The following TAF10 variants were observed in gnomAD, a reference collection of about 807,000 sequenced individuals.
TAF10 encodes TATA-box binding protein associated factor 10.
Under a neutral mutation model 18.1 loss-of-function variants are expected in TAF10, and 2 were observed. The observed-to-expected ratio is 0.11, with a 90% CI of 0.05 to 0.35. The LOEUF (loss-of-function observed/expected upper bound fraction) is 0.35, where lower values mean the gene tolerates loss of function less well. Ranked by LOEUF, TAF10 falls within the 10% of genes least tolerant of loss-of-function variation. The pLI, the probability that TAF10 is intolerant of heterozygous loss-of-function variation, is 1.00. For missense variants in TAF10, 293 were observed against 306.9 expected, an observed-to-expected ratio of 0.95 and a Z score of 0.34; for synonymous variants, 158 against 134.6, an observed-to-expected ratio of 1.17 and a Z score of -1.20.
chr11:6,611,546 G>A (rs1022826276), intron 2 of TAF10, 94 bp from the exon 3 acceptor site: 3 of 1,596,632 alleles, frequency 1.9e-6, no homozygotes, highest in African/African-American at 2.7e-5. Context: ...GTTTGGGTGA[G>A]CAGAGGGCAA....
At chr11:6,611,854 G>T in intron 1 of TAF10, 36 bp from the exon 2 acceptor site, 5 of 1,589,452 alleles carry the variant, frequency 3.1e-6, no homozygotes, top group Non-Finnish European at 4.3e-6. Context: ...CACAGAGGTG[G>T]GAGGCGCAGG....
At chr11:6,611,539 T>C in intron 2 of TAF10, 87 bp from the exon 3 acceptor site, 1 of 1,595,798 alleles carries the variant, frequency 6.3e-7, no homozygotes, top group Middle Eastern at 1.7e-4. Context: ...GCTCACAGTT[T>C]GGGTGAGCAG....
rs1243975866 is a variant in TAF10, at chr11:6,612,203, G to A, written c.-14C>T. 2 of 1,241,572 alleles carry A rather than the reference G, an allele frequency of 1.6e-6. No homozygotes were observed. Among genetic ancestry groups the A allele is most frequent in the Non-Finnish European group, 2.0e-6 (2 of 982,486 alleles). The allele number at this position is 1,241,572 out of a possible 1,614,324, so 76.9% of individuals were successfully genotyped here. On this transcript the variant is annotated 5_prime_UTR_variant, in exon 1 of 5. Coordinates refer to ENST00000299424, the MANE Select transcript of TAF10 (RefSeq NM_006284.4). ...GCTGCAGCTCATCGGGCCGGTGGGA[G>A]AGGCGGCGAACAGAGCCGCTTCCGC...
intron 2 of TAF10, 44 bp from the exon 3 acceptor site, chr11:6,611,496 G>A (rs771315033): frequency 7.4e-6 from 12 of 1,611,484 alleles, no homozygotes; most frequent in Middle Eastern, 1.6e-4. Context: ...CGGGAGGAGG[G>A]TGAGGGAAAT....
chr11:6,612,204 A>T lies in TAF10; in HGVS notation c.-15T>A, dbSNP rs913781342. 5.6e-6 allele frequency: 7 copies of T among 1,239,306 alleles called. No individual in the cohort carries two copies. The African/African-American group carries it at 6.4e-5, about 11-fold the overall frequency. The allele number at this position is 1,239,306 out of a possible 1,614,324, so 76.8% of individuals were successfully genotyped here. On this transcript the variant is annotated 5_prime_UTR_variant, in exon 1 of 5. Transcript: ENST00000299424. ...CTGCAGCTCATCGGGCCGGTGGGAG[A>T]GGCGGCGAACAGAGCCGCTTCCGCT...
chr11:6,607,895 T>C lies in TAF10; in HGVS notation c.*3027A>G, dbSNP rs1855087695. The C allele has an allele frequency of 1.7e-5, 13 of 755,510 alleles. No individual in the cohort carries two copies. In the South Asian group the frequency reaches 1.8e-4, roughly 11 times the overall value. The allele number at this position is 755,510 out of a possible 1,614,324, so 46.8% of individuals were successfully genotyped here. A position where few individuals can be genotyped will look rare whatever the true frequency, so the allele number is the denominator to read the frequency against. On this transcript the variant is annotated 3_prime_UTR_variant, in exon 5 of 5. Coordinates refer to ENST00000299424, the MANE Select transcript of TAF10 (RefSeq NM_006284.4). ...TTGAAGCTCAGGGGAAGGTCTGAAA[T>C]GGACAGCTTTGGGAGTTGCTGGCAT...
Position 6,611,464 on chromosome 11 carries a change from A to G in TAF10, c.388-12T>C, listed in dbSNP as rs1424184354. ...ACTGCATCTGGGATCTGAGAAATCA[A>G]TTAAGAGAACTGTCAGCAGAGCGGG... On this transcript the variant is annotated splice_polypyrimidine_tract_variant and intron_variant, in intron 2 of 4. Transcript: ENST00000299424. The G allele has an allele frequency of 2.9e-5, 46 of 1,613,988 alleles. No homozygotes were observed. Among genetic ancestry groups the G allele is most frequent in the Non-Finnish European group, 3.7e-5 (44 of 1,180,012 alleles).
At position 6,609,503 on chromosome 11, in the gene TAF10, C is replaced by T. The variant is rs1456515667; in HGVS notation, c.*1419G>A. The T allele has an allele frequency of 2.5e-6, 4 of 1,614,040 alleles. No individual in the cohort carries two copies. The highest frequency in any genetic ancestry group is 2.7e-5 in the African/African-American group (2 of 74,930). On this transcript the variant is annotated 3_prime_UTR_variant, in exon 5 of 5. Coordinates refer to ENST00000299424, the MANE Select transcript of TAF10 (RefSeq NM_006284.4). Reference sequence around the variant, plus strand: ...GTACTGGGTCTCAACCACTCCCTCCCTCTTCTAGGATTTTCTCGCATCCAA... The same window carrying T: ...GTACTGGGTCTCAACCACTCCCTCCTTCTTCTAGGATTTTCTCGCATCCAA...
At position 6,611,722 on chromosome 11, in the gene TAF10, A is replaced by G; in HGVS notation, c.329T>C (p.Val110Ala). The G allele has an allele frequency of 1.2e-6, 2 of 1,611,430 alleles. No homozygotes were observed. Among genetic ancestry groups the G allele is most frequent in the African/African-American group, 1.3e-5 (1 of 74,994 alleles). ...PSAANGDVKP[V>A]VSSTPLVDFL... Reference sequence around the variant, plus strand: ...GTCCACCAAAGGCGTGCTGGACACCACGGGCTTCACGTCTCCGTTGGCCGC... The same window carrying G: ...GTCCACCAAAGGCGTGCTGGACACCGCGGGCTTCACGTCTCCGTTGGCCGC... Residue 110 changes from valine to alanine, a missense_variant, in exon 2 of 5, where the codon GTG becomes GCG. Coordinates refer to ENST00000299424, the MANE Select transcript of TAF10 (RefSeq NM_006284.4).
Position 6,608,600 on chromosome 11 carries a change from C to G in TAF10, c.*2322G>C. 1 of 1,345,184 alleles carries G rather than the reference C, an allele frequency of 7.4e-7. No homozygotes were observed. The highest frequency in any genetic ancestry group is 1.1e-6 in the Non-Finnish European group (1 of 934,864). The allele number at this position is 1,345,184 out of a possible 1,614,324, so 83.3% of individuals were successfully genotyped here. ...TGTCAGTACTACTGTGTGACACTTA[C>G]AGGATTAAGTTCTACATTTGTGCAT... On this transcript the variant is annotated 3_prime_UTR_variant, in exon 5 of 5. Coordinates refer to ENST00000299424, the MANE Select transcript of TAF10 (RefSeq NM_006284.4). The surrounding 1 kb of genome is among the most constrained non-coding windows in gnomAD (Gnocchi z 4.9).
chr11:6,608,758 A>G lies in TAF10; in HGVS notation c.*2164T>C. The G allele has an allele frequency of 6.2e-7, 1 of 1,614,088 alleles. No individual in the cohort carries two copies. On this transcript the variant is annotated 3_prime_UTR_variant, in exon 5 of 5. Transcript: ENST00000299424. This position sits in a 1 kb window ranked among gnomAD's most constrained non-coding sequence, Gnocchi z 4.9. ...AAGTATGGAGAGATGCCTGTGGACA[A>G]AGCCAAGGCACCCCTGAGAGAGCTT...
At chr11:6,611,359 C>G (rs1855455226) in intron 3 of TAF10, 29 bp downstream of exon 3, 1 of 1,614,018 alleles carries the variant, frequency 6.2e-7, no homozygotes, top group African/African-American at 1.3e-5. Context: ...CACAAGCACC[C>G]AAAACTAACC....
At chr11:6,611,876 G>A (rs1030688548) in intron 1 of TAF10, 58 bp from the exon 2 acceptor site, 128 of 1,571,586 alleles carry the variant, frequency 8.1e-5, no homozygotes, top group Non-Finnish European at 1.0e-4. Context: ...CCCCAGCTAG[G>A]TCTGTCTATA....
rs760749828 is a variant in TAF10 at position 6,608,468 on chromosome 11, G to A, written c.*2454C>T. On this transcript the variant is annotated 3_prime_UTR_variant, in exon 5 of 5. Transcript: ENST00000299424. The surrounding 1 kb of genome is among the most constrained non-coding windows in gnomAD (Gnocchi z 4.9). ...TGCCCCTGCACTATGCCTGTTTTTG[G>A]GGCCAAGATCAAGTGGCAGAGGTGA... is the stretch of plus-strand genomic sequence containing the variant. 4.3e-6 allele frequency: 7 copies of A among 1,613,996 alleles called. No homozygotes were observed. The highest frequency in any genetic ancestry group is 5.9e-6 in the Non-Finnish European group (7 of 1,179,872).
In TAF10 at chr11:6,609,468, G is replaced by C; in HGVS notation, c.*1454C>G. The C allele has an allele frequency of 1.2e-6, 2 of 1,614,076 alleles. No homozygotes were observed. Among genetic ancestry groups the C allele is most frequent in the Non-Finnish European group, 1.7e-6 (2 of 1,180,012 alleles). On this transcript the variant is annotated 3_prime_UTR_variant, in exon 5 of 5. Coordinates refer to ENST00000299424, the MANE Select transcript of TAF10 (RefSeq NM_006284.4). ...CAAGGAACCCTGAATAGCACTGAAA[G>C]AGATCTTTTGTACTGGGTCTCAACC...
intron 4 of TAF10, 40 bp downstream of exon 4, chr11:6,611,149 G>A (rs1855445582): frequency 1.2e-6 from 2 of 1,603,414 alleles, no homozygotes; most frequent in African/African-American, 1.3e-5. Context: ...CTCCACTGTT[G>A]TGGAAGGTAA....
chr11:6,611,543 TGA>T, intron 2 of TAF10, 91 bp from the exon 3 acceptor site: 1 of 1,598,528 alleles, frequency 6.3e-7, no homozygotes, highest in South Asian at 1.1e-5. Flanking sequence ...ACAGTTTGGG[TGA>T]GCAGAGGGCA....
rs1257484951 is a variant in TAF10 at position 6,611,610 on chromosome 11, G to A, written c.387+54C>T. 3.8e-6 allele frequency: 6 copies of A among 1,580,128 alleles called. 1 individual carries two copies. The South Asian group carries it at 4.6e-5, about 12-fold the overall frequency. ...GGAAGAGAACGCTGAAAAGCACGAT[G>A]TGGCTGAAAGTTTTGACAGCAGGCT... On this transcript the variant is annotated intron_variant, in intron 2 of 4. Coordinates refer to ENST00000299424, the MANE Select transcript of TAF10 (RefSeq NM_006284.4).
Position 6,611,684 on chromosome 11 carries a change from G to A in TAF10, c.367C>T (p.Leu123=), listed in dbSNP as rs371073876. 4 of 1,598,850 alleles carry A rather than the reference G, an allele frequency of 2.5e-6. No individual in the cohort carries two copies. Among genetic ancestry groups the A allele is most frequent in the Non-Finnish European group, 3.4e-6 (4 of 1,172,178 alleles). The stretch of plus-strand genomic sequence containing the variant: ...CCCACCGTAGGCGTGTAATCTTCCA[G>A]CTGCATCAAGAAGTCCACCAAAGGC... ...STPLVDFLMQ[L]EDYTPTIPDA... is the part of the protein sequence containing the mutation. The change falls in exon 2 of 5, where the codon CTG becomes TTG. Residue 123 remains leucine, a synonymous_variant. Coordinates refer to ENST00000299424, the MANE Select transcript of TAF10 (RefSeq NM_006284.4).
Sources: allele counts gnomAD v4.1 joint callset, GRCh38; gene constraint gnomAD v4.1.1; non-coding constraint Gnocchi (gnomAD v3.1); transcripts MANE v1.5; gene names NCBI Gene and HGNC (gene_info 2026-07-23, HGNC 2026-07-21).